FRAS1: variants seen among roughly 807,000 people sequenced by gnomAD.
FRAS1 encodes the protein Fraser extracellular matrix complex subunit 1.
Under a neutral mutation model 435.2 loss-of-function variants are expected in FRAS1, and 290 were observed. The observed-to-expected ratio is 0.67, with a 90% confidence interval of 0.61 to 0.73. The LOEUF (loss-of-function observed/expected upper bound fraction) is 0.73, where lower values mean the gene tolerates loss of function less well. Among genes scored for constraint, FRAS1 ranks in the 30% least tolerant of loss-of-function variants. FRAS1 has a pLI of 0.00. For synonymous variants in FRAS1, 1,800 were observed against 1,851.0 expected (o/e 0.97, Z 0.71); for missense variants, 4,860 against 5,001.5 (o/e 0.97, Z 0.85).
chr4:78,471,970 GA>G (rs1457960065), intron 51 of FRAS1, among the ~76,000 whole-genome samples: 1 of 152,134 alleles, frequency 6.6e-6, no homozygotes, highest in Non-Finnish European at 1.5e-5. Context: ...CCTTGTGCAT[GA>G]GCCTTTCTTT....
chr4:78,477,205 A>G lies in FRAS1; in HGVS notation c.7852-610A>G, dbSNP rs1026059111. Among the ~76,000 whole-genome samples, 8 of 152,314 alleles carry G rather than the reference A, an allele frequency of 5.3e-5. 1 individual carries two copies. In the South Asian group the frequency reaches 1.2e-3, roughly 24 times the overall value. On this transcript the variant is annotated intron_variant, in intron 54 of 73. Transcript: ENST00000512123. ...CCATTATTCAGTACACTGGAATTCT[A>G]TGTCAATTTTAATTGTGTAAGTAAT...
intron 69 of FRAS1, among the ~76,000 whole-genome samples, chr4:78,526,314 A>G (rs1457873259): frequency 6.6e-6 from 1 of 152,196 alleles, no homozygotes; most frequent in Admixed American, 6.5e-5. Context: ...GGACCTGAAT[A>G]CCTGAATACA....
At chr4:78,539,231 C>T in intron 72 of FRAS1, 63 bp from the exon 73 acceptor site, 3 of 1,523,790 alleles carry the variant, frequency 2.0e-6, no homozygotes, top group Non-Finnish European at 2.7e-6. Context: ...CCAGTCACTG[C>T]CACCTACCAA....
At chr4:78,295,185 T>A (rs878912780) in intron 14 of FRAS1, among the ~76,000 whole-genome samples, 2 of 152,384 alleles carry the variant, frequency 1.3e-5, no homozygotes, top group African/African-American at 4.8e-5. Context: ...CCAATTTTTT[T>A]AATTATATGT....
rs11933630 is a variant in FRAS1, at chr4:78,499,857, G to T, written c.9252G>T (p.Arg3084=). 300,974 of 1,613,000 alleles carry T rather than the reference G, an allele frequency of 0.19. 31,623 individuals are homozygous for T. The highest frequency in any genetic ancestry group is 0.22 in the Non-Finnish European group (259,695 of 1,179,150). The change falls in exon 61 of 74, where the codon CGG becomes CGT. Residue 3084 remains arginine (R), a synonymous_variant. Coordinates refer to ENST00000512123, the MANE Select transcript of FRAS1 (RefSeq NM_025074.7). ...CCTCCAAGGTTCGCTGCAGCACGCG[G>T]GATGGCTCTGCCCAGTCTGGTGTGG... ...NRTSKVRCST[R]DGSAQSGVDY...
chr4:78,237,746 A>G, intron 3 of FRAS1, 129 bp downstream of exon 3: 1 of 473,502 alleles, frequency 2.1e-6, no homozygotes, highest in Non-Finnish European at 3.7e-6. Flanking sequence ...GAAATGCAGA[A>G]GAGAATTTTA....
At chr4:78,215,183 TTTATTA>T (rs147112471) in intron 2 of FRAS1, among the ~76,000 whole-genome samples, 12 of 148,754 alleles carry the variant, frequency 8.1e-5, no homozygotes, top group Non-Finnish European at 8.9e-5. Flanking sequence ...ATTTACCATC[TTTATTA>T]TTATTATTAT....
At chr4:78,068,721 G>C in intron 2 of FRAS1, 2 of 381,936 alleles carry the variant, frequency 5.2e-6, no homozygotes, top group Non-Finnish European at 1.0e-5. Flanking sequence ...GTCAAATTAA[G>C]TGTAGGAAAA....
chr4:78,148,652 C>T (rs1186233325), intron 2 of FRAS1, among the ~76,000 whole-genome samples: 1 of 152,098 alleles, frequency 6.6e-6, no homozygotes, highest in Admixed American at 6.5e-5. Flanking sequence ...ATCTAAAGCA[C>T]CAAGTTCCCC....
intron 9 of FRAS1, among the ~76,000 whole-genome samples, chr4:78,278,091 G>A (rs1727152870): frequency 6.6e-6 from 1 of 152,166 alleles, no homozygotes; most frequent in Admixed American, 6.5e-5. Flanking sequence ...GATCCACCAC[G>A]ACTGGCCATC....
At chr4:78,316,440 G>A (rs565551058) in intron 16 of FRAS1, among the ~76,000 whole-genome samples, 3 of 152,194 alleles carry the variant, frequency 2.0e-5, no homozygotes, top group East Asian at 3.9e-4. Flanking sequence ...CTCCTTAGCA[G>A]CCTCCCCTTT....
At chr4:78,234,955 G>C (rs1005203967) in intron 2 of FRAS1, among the ~76,000 whole-genome samples, 1 of 152,194 alleles carries the variant, frequency 6.6e-6, no homozygotes, top group Admixed American at 6.5e-5. Flanking sequence ...TAAGACAGAG[G>C]CAGAGAGATT....
intron 2 of FRAS1, among the ~76,000 whole-genome samples, chr4:78,154,610 G>A (rs904463444): frequency 5.9e-5 from 9 of 151,964 alleles, no homozygotes; most frequent in African/African-American, 1.7e-4. Flanking sequence ...AAAGTGTTAC[G>A]TTTCTTTTTA....
intron 9 of FRAS1, 62 bp downstream of exon 9, chr4:78,267,494 G>T: frequency 6.7e-7 from 1 of 1,485,170 alleles, no homozygotes; most frequent in South Asian, 1.3e-5. Flanking sequence ...ATAGTGAGGG[G>T]TCCTGCCTGT....
chr4:78,412,126 C>T (rs1254240743), intron 31 of FRAS1, among the ~76,000 whole-genome samples: 1 of 149,896 alleles, frequency 6.7e-6, no homozygotes, highest in East Asian at 1.9e-4. Context: ...CGATCCCAGG[C>T]ATCTGATGTG....
intron 29 of FRAS1, among the ~76,000 whole-genome samples, chr4:78,393,269 G>T (rs1206004860): frequency 6.6e-6 from 1 of 151,890 alleles, no homozygotes; most frequent in Admixed American, 6.6e-5. Context: ...ATACTATATT[G>T]TATTGATAGT....
rs564283389 is a variant in FRAS1, at chr4:78,289,248, C to A, written c.1534+2709C>A. On this transcript the variant is annotated intron_variant, in intron 14 of 73. Coordinates refer to ENST00000512123, the MANE Select transcript of FRAS1 (RefSeq NM_025074.7). ...TACCCATAGGGGCCCTTATCATTTT[C>A]TCTTTTCTCTTGAGTTTAGGGGTAT... is the stretch of plus-strand genomic sequence containing the variant. 1.0e-4 allele frequency among the ~76,000 whole-genome samples: 15 copies of A among 144,954 alleles called. No individual in the cohort carries two copies. In the South Asian group the frequency reaches 2.9e-3, roughly 28 times the overall value.
At chr4:78,227,705 G>A (rs1157852349) in intron 2 of FRAS1, among the ~76,000 whole-genome samples, 3 of 152,204 alleles carry the variant, frequency 2.0e-5, no homozygotes, top group East Asian at 3.8e-4. Flanking sequence ...CTGGCATTCA[G>A]TCAGAAGTAG....
chr4:78,401,693 A>G (rs1732899439), intron 30 of FRAS1, among the ~76,000 whole-genome samples: 1 of 151,180 alleles, frequency 6.6e-6, no homozygotes, highest in South Asian at 2.1e-4. Flanking sequence ...GACATGGCAG[A>G]GAAATCTGCC....
Sources: allele counts gnomAD v4.1 joint callset (sites outside exome capture counted in the v4.1 genomes callset), GRCh38; gene constraint gnomAD v4.1.1; transcripts MANE v1.5; gene names NCBI Gene and HGNC (gene_info 2026-07-23, HGNC 2026-07-21).